Variants in ROBO1 observed in about 807,000 individuals in gnomAD.
ROBO1 encodes roundabout homolog 1.
ROBO1 carries 149 observed loss-of-function variants against 195.9 expected under a neutral mutation model. The ratio of observed to expected loss-of-function variants is 0.76; its 90% CI spans 0.67 to 0.87. The LOEUF (loss-of-function observed/expected upper bound fraction) is 0.87, where lower values mean the gene tolerates loss of function less well. Ranked by LOEUF, ROBO1 falls within the 40% of genes least tolerant of loss-of-function variation. ROBO1 has a pLI of 0.00. For missense variants in ROBO1, 1,933 were observed against 2,068.3 expected, an observed-to-expected ratio of 0.93 and a Z score of 1.27; for synonymous variants, 816 against 733.2, an observed-to-expected ratio of 1.11 and a Z score of -1.82.
chr3:79,288,894 C>A (rs2032062340), intron 2 of ROBO1, among the ~76,000 whole-genome samples: 1 of 151,988 alleles, frequency 6.6e-6, no homozygotes, highest in Non-Finnish European at 1.5e-5. Flanking sequence ...GTAGAATCAT[C>A]TTATTAAGCC....
intron 23 of ROBO1, 55 bp downstream of exon 23, chr3:78,635,718 G>C (rs896338122): frequency 1.1e-5 from 15 of 1,404,634 alleles, no homozygotes; most frequent in Non-Finnish European, 1.5e-5. Flanking sequence ...ACATCTAGTC[G>C]AGGTGCTGAG....
chr3:79,095,644 T>C (rs1441064555), intron 3 of ROBO1, among the ~76,000 whole-genome samples: 1 of 152,104 alleles, frequency 6.6e-6, no homozygotes, highest in Non-Finnish European at 1.5e-5. Flanking sequence ...AGATAATAAA[T>C]AATTGTTGTT....
intron 5 of ROBO1, among the ~76,000 whole-genome samples, chr3:78,736,072 C>CA (rs200486912): frequency 6.6e-6 from 1 of 151,006 alleles, no homozygotes; most frequent in South Asian, 2.1e-4. Context: ...ATTTTTAAGC[C>CA]AAAAAAAATC....
chr3:78,988,238 G>C (rs1456937939), intron 3 of ROBO1, among the ~76,000 whole-genome samples: 1 of 151,906 alleles, frequency 6.6e-6, no homozygotes, highest in Non-Finnish European at 1.5e-5. Context: ...CTTTTTGTCA[G>C]CGTTTTCATC....
intron 4 of ROBO1, among the ~76,000 whole-genome samples, chr3:78,829,922 A>C (rs2108732601): frequency 6.6e-6 from 1 of 152,304 alleles, no homozygotes; most frequent in Non-Finnish European, 1.5e-5. Flanking sequence ...TTAAAAACAT[A>C]AAAACAGAGA....
chr3:79,306,515 GT>G (rs2033227142), intron 2 of ROBO1, among the ~76,000 whole-genome samples: 1 of 151,982 alleles, frequency 6.6e-6, no homozygotes, highest in Non-Finnish European at 1.5e-5. Flanking sequence ...CCGTTTTTTT[GT>G]TTTCTGTTTT....
chr3:78,607,258 G>C, intron 28 of ROBO1: 1 of 533,768 alleles, frequency 1.9e-6, no homozygotes, highest in Non-Finnish European at 3.3e-6. Flanking sequence ...TGTCATTCAG[G>C]CTACAGTGCA....
At position 78,668,557 on chromosome 3, in the gene ROBO1, A is replaced by G; in HGVS notation, c.1557T>C (p.Asp519=). ...VLQIRYAKLG[D]TGRYTCIAST... Reference sequence around the variant, plus strand: ...ATGCAATGCAGGTGTACCGACCAGTATCACCCAGCTGAGAAGGCAGACAAA... The same window carrying G: ...ATGCAATGCAGGTGTACCGACCAGTGTCACCCAGCTGAGAAGGCAGACAAA... Residue 519 remains aspartate (D), a synonymous_variant, in exon 12 of 31, where the codon GAT becomes GAC. Coordinates refer to ENST00000464233, the MANE Select transcript of ROBO1 (RefSeq NM_002941.4). The G allele has an allele frequency of 1.2e-6, 2 of 1,613,688 alleles. No homozygotes were observed. The highest frequency in any genetic ancestry group is 2.7e-5 in the African/African-American group (2 of 75,054).
chr3:79,380,148 T>C (rs1356040654), intron 2 of ROBO1, among the ~76,000 whole-genome samples: 1 of 152,172 alleles, frequency 6.6e-6, no homozygotes, highest in Non-Finnish European at 1.5e-5. Context: ...TCAACTTTCA[T>C]TGAGAATAAA....
chr3:79,263,865 G>A (rs371658410), intron 2 of ROBO1, among the ~76,000 whole-genome samples: 51 of 151,860 alleles, frequency 3.4e-4, no homozygotes, highest in Admixed American at 5.9e-4. Context: ...CTAATGGTAC[G>A]GCAATTGCTA....
At chr3:79,088,997 C>A (rs1359485635) in intron 3 of ROBO1, among the ~76,000 whole-genome samples, 3 of 151,924 alleles carry the variant, frequency 2.0e-5, no homozygotes, top group Non-Finnish European at 2.9e-5. Flanking sequence ...CATTTGTTTT[C>A]CAAAATAAAA....
Position 79,156,513 on chromosome 3 carries a change from G to A in ROBO1, c.89-30974C>T, listed in dbSNP as rs141984092. 2.3e-3 allele frequency among the ~76,000 whole-genome samples: 351 copies of A among 151,738 alleles called. 2 individuals carry two copies. The highest frequency in any genetic ancestry group is 0.014 in the East Asian group (73 of 5,126). ...ATATAGTTACAAAGGAAAACGATTC[G>A]TTTTTCATGTTTTCACTTCAGTTAG... On this transcript the variant is annotated intron_variant, in intron 2 of 30. Transcript: ENST00000464233.
intron 4 of ROBO1, among the ~76,000 whole-genome samples, chr3:78,874,960 A>G (rs371828753): frequency 6.6e-6 from 1 of 152,002 alleles, no homozygotes; most frequent in Admixed American, 6.6e-5. Flanking sequence ...GAATGCACAA[A>G]TAAATGAATC....
chr3:78,816,648 G>C lies in ROBO1; in HGVS notation c.500-69748C>G, dbSNP rs958752088. 1.1e-4 allele frequency among the ~76,000 whole-genome samples: 17 copies of C among 152,142 alleles called. 1 individual carries two copies. The highest frequency in any genetic ancestry group is 1.1e-3 in the Admixed American group (17 of 15,256). The stretch of plus-strand genomic sequence containing the variant: ...ACATATCAACATTATGAGGAGTATA[G>C]AAGAAGTTTATTTCAACCCTCATGA... On this transcript the variant is annotated intron_variant, in intron 4 of 30. Transcript: ENST00000464233.
intron 2 of ROBO1, among the ~76,000 whole-genome samples, chr3:79,284,944 T>C (rs1222588961): frequency 2.0e-5 from 3 of 152,174 alleles, no homozygotes; most frequent in African/African-American, 7.2e-5. Flanking sequence ...AAAAGTACTA[T>C]TTAGTCAAAC....
At chr3:79,627,250 A>G (rs1285240105) in intron 1 of ROBO1, among the ~76,000 whole-genome samples, 1 of 152,232 alleles carries the variant, frequency 6.6e-6, no homozygotes, top group Non-Finnish European at 1.5e-5. Flanking sequence ...ACCTCAAACT[A>G]TACTACAAGG....
chr3:79,469,484 G>T (rs1460316433), intron 2 of ROBO1, among the ~76,000 whole-genome samples: 1 of 152,128 alleles, frequency 6.6e-6, no homozygotes, highest in African/African-American at 2.4e-5. Context: ...TGAAAAAATT[G>T]ACTTTAAAAT....
intron 2 of ROBO1, among the ~76,000 whole-genome samples, chr3:79,338,857 C>T (rs1237972494): frequency 6.6e-6 from 1 of 152,106 alleles, no homozygotes; most frequent in Non-Finnish European, 1.5e-5. Flanking sequence ...CTCAGATATG[C>T]TACTGTTTAT....
intron 1 of ROBO1, among the ~76,000 whole-genome samples, chr3:79,664,630 A>G (rs893770595): frequency 2.6e-5 from 4 of 152,010 alleles, no homozygotes; most frequent in African/African-American, 9.7e-5. Context: ...ACTCTCTCAG[A>G]GCACGTCCTG....
Sources: allele counts gnomAD v4.1 joint callset (sites outside exome capture counted in the v4.1 genomes callset), GRCh38; gene constraint gnomAD v4.1.1; transcripts MANE v1.5; gene names NCBI Gene and HGNC (gene_info 2026-07-23, HGNC 2026-07-21).